Variants in PAQR5 observed in about 807,000 individuals in gnomAD.
The protein encoded by PAQR5 is membrane progestin receptor gamma.
Under a neutral mutation model 34.5 loss-of-function variants are expected in PAQR5, and 20 were observed. The observed-to-expected ratio is 0.58, with a 90% CI of 0.41 to 0.84. The LOEUF is 0.84. Among genes scored for constraint, PAQR5 ranks in the 40% least tolerant of loss-of-function variants. The pLI, the probability that PAQR5 is intolerant of heterozygous loss-of-function variation, is 0.00. For missense variants in PAQR5, 378 were observed against 412.7 expected (o/e 0.92, Z 0.73); for synonymous variants, 131 against 155.6 (o/e 0.84, Z 1.18).
At chr15:69,380,188 C>A in intron 4 of PAQR5, 178 bp downstream of exon 4, 1 of 659,420 alleles carries the variant, frequency 1.5e-6, no homozygotes, top group Non-Finnish European at 2.6e-6. Flanking sequence ...GGGTGTGCCA[C>A]TGGGATGACC....
intron 1 of PAQR5, among the ~76,000 whole-genome samples, chr15:69,327,156 T>TTTA (rs113422954): frequency 2.2e-4 from 34 of 151,534 alleles, no homozygotes; most frequent in East Asian, 1.4e-3. Context: ...GGCTAATTTC[T>TTTA]TTATTATTAT....
chr15:69,352,325 T>C (rs2140797447), intron 2 of PAQR5, among the ~76,000 whole-genome samples: 1 of 152,328 alleles, frequency 6.6e-6, no homozygotes, highest in Middle Eastern at 3.4e-3. Context: ...GAGCTGCGTA[T>C]CATGAACTGA....
intron 6 of PAQR5, chr15:69,391,786 G>C (rs2056280907): frequency 2.3e-6 from 1 of 435,878 alleles, no homozygotes; most frequent in Non-Finnish European, 4.6e-6. Context: ...GCTGGGTGCA[G>C]TGGCTCACAC....
At chr15:69,386,031 C>T (rs1033538692) in intron 5 of PAQR5, among the ~76,000 whole-genome samples, 9 of 151,260 alleles carry the variant, frequency 6.0e-5, no homozygotes, top group African/African-American at 2.2e-4. Context: ...ACATCACATA[C>T]ACACAATACA....
chr15:69,320,949 G>A (rs985487511), intron 1 of PAQR5, among the ~76,000 whole-genome samples: 3 of 152,152 alleles, frequency 2.0e-5, no homozygotes, highest in Admixed American at 6.5e-5. Context: ...TGATATCTTC[G>A]AATATTTTCC....
At chr15:69,304,184 C>T (rs11855814) in intron 1 of PAQR5, among the ~76,000 whole-genome samples, 70,263 of 152,018 alleles carry the variant, frequency 0.46, 19,049 homozygotes, top group Middle Eastern at 0.62. Context: ...CAACCACCTT[C>T]GATGGGCTCC....
At chr15:69,359,353 A>G (rs1167438729) in intron 2 of PAQR5, among the ~76,000 whole-genome samples, 1 of 152,200 alleles carries the variant, frequency 6.6e-6, no homozygotes, top group Non-Finnish European at 1.5e-5. Flanking sequence ...ACACCGAGTT[A>G]AAGACGGAAG....
At chr15:69,376,228 T>TG (rs2055701848) in intron 3 of PAQR5, among the ~76,000 whole-genome samples, 1 of 152,152 alleles carries the variant, frequency 6.6e-6, no homozygotes, top group African/African-American at 2.4e-5. Flanking sequence ...CCTGCTTACT[T>TG]GGGGGTGCTT....
At chr15:69,377,208 G>T (rs948804565) in intron 3 of PAQR5, among the ~76,000 whole-genome samples, 1 of 152,248 alleles carries the variant, frequency 6.6e-6, no homozygotes, top group African/African-American at 2.4e-5. Flanking sequence ...AAGGAAGAGA[G>T]AAAGAAGCTT....
intron 1 of PAQR5, among the ~76,000 whole-genome samples, chr15:69,313,787 A>C (rs1175033000): frequency 6.6e-6 from 1 of 152,076 alleles, no homozygotes; most frequent in Non-Finnish European, 1.5e-5. Flanking sequence ...ACAGGTGAGC[A>C]GGTGAGCCGC....
intron 1 of PAQR5, among the ~76,000 whole-genome samples, chr15:69,318,625 A>G (rs2140580011): frequency 6.6e-6 from 1 of 151,842 alleles, no homozygotes; most frequent in South Asian, 2.1e-4. Context: ...CCTGCTTTTC[A>G]CCTTGTCCTG....
rs748514406 is a variant in PAQR5 at position 69,403,773 on chromosome 15, C to A, written c.944C>A (p.Ala315Asp). ...CTCAGCAACATAATTTATTTCTCAG[C>A]TGCTCTGTATCGGATTCCCAAGCCA... ...FSLSNIIYFS[A>D]ALYRIPKPEL... The change falls in exon 9 of 9, where the codon GCT (alanine) becomes GAT (aspartate). Residue 315 changes from alanine (A) to aspartate (D), a missense_variant. By Grantham distance (126) the Ala-to-Asp change is moderately radical. Transcript: ENST00000395407. 5.6e-6 allele frequency: 9 copies of A among 1,613,626 alleles called. No individual in the cohort carries two copies. The African/African-American group carries it at 9.3e-5, about 17-fold the overall frequency.
intron 2 of PAQR5, among the ~76,000 whole-genome samples, chr15:69,353,002 G>A (rs1321093252): frequency 6.6e-6 from 1 of 152,218 alleles, no homozygotes; most frequent in Non-Finnish European, 1.5e-5. Flanking sequence ...TTCTGTAGAT[G>A]CCAGTCAGCC....
At chr15:69,321,657 CA>C (rs1182212756) in intron 1 of PAQR5, among the ~76,000 whole-genome samples, 1 of 152,222 alleles carries the variant, frequency 6.6e-6, no homozygotes, top group Non-Finnish European at 1.5e-5. Context: ...TTGGACCAAA[CA>C]GATATACAAT....
chr15:69,352,900 G>C (rs542108276), intron 2 of PAQR5, among the ~76,000 whole-genome samples: 2 of 152,358 alleles, frequency 1.3e-5, no homozygotes, highest in East Asian at 3.9e-4. Flanking sequence ...TTGGGCAAAA[G>C]AGGTGAAGAT....
chr15:69,318,138 T>C (rs1422179771), intron 1 of PAQR5, among the ~76,000 whole-genome samples: 2 of 152,166 alleles, frequency 1.3e-5, no homozygotes, highest in Admixed American at 1.3e-4. Flanking sequence ...CAGAGGGGCA[T>C]TGGTGTGCTC....
intron 1 of PAQR5, among the ~76,000 whole-genome samples, chr15:69,313,253 C>T (rs2053869895): frequency 6.6e-6 from 1 of 152,238 alleles, no homozygotes; most frequent in Admixed American, 6.5e-5. Flanking sequence ...AATCCAAACA[C>T]TTTCAGAGGC....
chr15:69,340,187 A>G (rs534326605), intron 2 of PAQR5, among the ~76,000 whole-genome samples: 205 of 151,886 alleles, frequency 1.3e-3, no homozygotes, highest in Non-Finnish European at 2.4e-3. Flanking sequence ...CCTTTTTTTC[A>G]AGCTTTTTTG....
At chr15:69,309,249 C>T (rs1489940398) in intron 1 of PAQR5, among the ~76,000 whole-genome samples, 1 of 152,100 alleles carries the variant, frequency 6.6e-6, no homozygotes, top group Non-Finnish European at 1.5e-5. Flanking sequence ...AGATGGAGAA[C>T]GAGTTCCAAG....
Sources: gnomAD v4.1 joint callset for allele counts (sites outside exome capture counted in the v4.1 genomes callset) on GRCh38, gnomAD v4.1.1 for gene constraint, MANE v1.5 for transcripts, NCBI Gene and HGNC (gene_info 2026-07-23, HGNC 2026-07-21) for gene names.